PXDC1: variants seen among roughly 807,000 people sequenced by gnomAD.
PXDC1 encodes the protein PX domain-containing protein 1.
PXDC1 carries 13 observed loss-of-function variants against 24.4 expected under a neutral mutation model. The observed-to-expected ratio is 0.53, with a 90% CI of 0.35 to 0.85. The LOEUF is 0.85. Among genes scored for constraint, PXDC1 ranks in the 40% least tolerant of loss-of-function variants. The probability of loss-of-function intolerance (pLI) is 0.01; values close to 1 mark genes in which losing one functional copy is unlikely to be tolerated. For missense variants in PXDC1, 344 were observed against 309.3 expected (o/e 1.11, Z -0.84); for synonymous variants, 162 against 124.9 (o/e 1.30, Z -1.98).
chr6:3,748,176 G>A (rs992931000), intron 1 of PXDC1, among the ~76,000 whole-genome samples: 3 of 152,156 alleles, frequency 2.0e-5, no homozygotes, highest in Admixed American at 1.3e-4. Context: ...GCACAGAGGG[G>A]ACTGAAATGA....
intron 3 of PXDC1, among the ~76,000 whole-genome samples, chr6:3,732,944 G>A (rs1229415347): frequency 6.6e-6 from 1 of 152,240 alleles, no homozygotes; most frequent in Non-Finnish European, 1.5e-5. Flanking sequence ...CAGGACAGCA[G>A]TGGACAGGCA....
At chr6:3,733,272 G>A (rs1418953543) in intron 3 of PXDC1, among the ~76,000 whole-genome samples, 1 of 152,204 alleles carries the variant, frequency 6.6e-6, no homozygotes, top group South Asian at 2.1e-4. Context: ...CCGCGCCTCA[G>A]CCTGGGGAGC....
intron 1 of PXDC1, among the ~76,000 whole-genome samples, chr6:3,747,297 G>A (rs532894921): frequency 6.6e-5 from 10 of 152,134 alleles, no homozygotes; most frequent in African/African-American, 1.9e-4. Flanking sequence ...GCACATCAGC[G>A]TTTGCCCACT....
At chr6:3,723,870 G>C in intron 4 of PXDC1, 134 bp from the exon 5 acceptor site, 1 of 681,604 alleles carries the variant, frequency 1.5e-6, no homozygotes, top group Non-Finnish European at 2.6e-6. Flanking sequence ...AAATGAACTG[G>C]TGAGCTGGCT....
intron 1 of PXDC1, among the ~76,000 whole-genome samples, chr6:3,747,559 G>C (rs1435403654): frequency 6.6e-6 from 1 of 152,074 alleles, no homozygotes; most frequent in Non-Finnish European, 1.5e-5. Context: ...CTTTGCACCT[G>C]CTCTTCCACT....
Position 3,751,688 on chromosome 6 carries a change from G to C in PXDC1, c.-157C>G. The C allele has an allele frequency of 1.8e-6, 2 of 1,132,564 alleles. No homozygotes were observed. The highest frequency in any genetic ancestry group is 2.2e-6 in the Non-Finnish European group (2 of 902,696). 70.2% of individuals were successfully genotyped at this position (1,132,564 alleles called of 1,614,324 possible). On this transcript the variant is annotated 5_prime_UTR_variant, in exon 1 of 5. Transcript: ENST00000380283. ...GAGGCTGCGTATGGCCCGCGTTCGG[G>C]GCAGCGGGGCGGCGCGGCGGCGAGT...
intron 3 of PXDC1, among the ~76,000 whole-genome samples, chr6:3,733,332 G>A (rs987638818): frequency 1.3e-5 from 2 of 152,192 alleles, no homozygotes; most frequent in African/African-American, 4.8e-5. Context: ...AGAACATGGT[G>A]TGCCTATGTG....
Position 3,751,319 on chromosome 6 carries a change from A to C in PXDC1, c.213T>G (p.Phe71Leu), listed in dbSNP as rs1482662738. 1 of 1,548,180 alleles carries C rather than the reference A, an allele frequency of 6.5e-7. No homozygotes were observed. The highest frequency in any genetic ancestry group is 1.4e-5 in the African/African-American group (1 of 71,962). The part of the protein sequence containing the change: ...GRLWQRLRDA[F>L]PEDRSELAQG... ...GCGCCAGTTCGGACCGGTCCTCGGGAAAGGCGTCGCGCAGGCGCTGCCACA... is the reference window on the plus strand; with the variant it reads ...GCGCCAGTTCGGACCGGTCCTCGGGCAAGGCGTCGCGCAGGCGCTGCCACA... The change falls in exon 1 of 5, where the codon TTT becomes TTG. Residue 71 changes from phenylalanine to leucine, a missense_variant. Phe to Leu is a conservative substitution (Grantham distance 22). Coordinates refer to ENST00000380283, the MANE Select transcript of PXDC1 (RefSeq NM_183373.4).
At chr6:3,746,292 A>G (rs934511603) in intron 1 of PXDC1, among the ~76,000 whole-genome samples, 1 of 152,162 alleles carries the variant, frequency 6.6e-6, no homozygotes, top group Non-Finnish European at 1.5e-5. Flanking sequence ...TGGAAAAGGA[A>G]GAGGATCCCA....
intron 3 of PXDC1, among the ~76,000 whole-genome samples, chr6:3,730,152 G>A (rs1198374950): frequency 2.0e-5 from 3 of 152,126 alleles, no homozygotes; most frequent in African/African-American, 7.2e-5. Context: ...CCCAGAGAGG[G>A]ACTTCGCTTA....
At chr6:3,741,049 C>T (rs2127601074) in intron 1 of PXDC1, among the ~76,000 whole-genome samples, 1 of 152,368 alleles carries the variant, frequency 6.6e-6, no homozygotes, top group South Asian at 2.1e-4. Context: ...AGGTGTTAGT[C>T]ACTCTCCTGT....
chr6:3,742,758 CAATT>C (rs1760477213), intron 1 of PXDC1, among the ~76,000 whole-genome samples: 1 of 152,186 alleles, frequency 6.6e-6, no homozygotes, highest in African/African-American at 2.4e-5. Flanking sequence ...TGTAGCCAAA[CAATT>C]AAGAATTTGA....
rs1038385892 is a variant in PXDC1, at chr6:3,723,671, G to A, written c.644C>T (p.Thr215Ile). 3.1e-6 allele frequency: 5 copies of A among 1,614,196 alleles called. No individual in the cohort carries two copies. The highest frequency in any genetic ancestry group is 4.2e-6 in the Non-Finnish European group (5 of 1,180,018). Residue 215 changes from threonine to isoleucine, a missense_variant, in exon 5 of 5, where the codon ACC becomes ATC. Physicochemically the swap from Thr to Ile is moderately conservative, Grantham distance 89. Coordinates refer to ENST00000380283, the MANE Select transcript of PXDC1 (RefSeq NM_183373.4). ...EDGDDPAAYV[T>I]NLSYYHLVPF... ...GACCAGGTGGTAATATGACAGGTTG[G>A]TGACGTAGGCTGCTGGGTCGTCCCC...
At position 3,736,755 on chromosome 6, in the gene PXDC1, C is replaced by T. The variant is rs149152188; in HGVS notation, c.466+324G>A. Reference sequence around the variant, plus strand: ...ATGCCACGTGACATGGGCTGTCTCACTTCAGCAGGCTGAACAGTGGATTCC... The same window carrying T: ...ATGCCACGTGACATGGGCTGTCTCATTTCAGCAGGCTGAACAGTGGATTCC... On this transcript the variant is annotated intron_variant, in intron 3 of 4. Transcript: ENST00000380283. 2.8e-3 allele frequency among the ~76,000 whole-genome samples: 427 copies of T among 152,336 alleles called. 3 individuals are homozygous for T. The highest frequency in any genetic ancestry group is 1.0e-2 in the African/African-American group (415 of 41,572).
At chr6:3,726,498 G>C (rs983165210) in intron 4 of PXDC1, among the ~76,000 whole-genome samples, 4 of 152,214 alleles carry the variant, frequency 2.6e-5, no homozygotes, top group Non-Finnish European at 5.9e-5. Context: ...AGACACACTG[G>C]TAAAGACGGG....
At chr6:3,735,795 A>C (rs1359731736) in intron 3 of PXDC1, among the ~76,000 whole-genome samples, 1 of 152,254 alleles carries the variant, frequency 6.6e-6, no homozygotes, top group Non-Finnish European at 1.5e-5. Flanking sequence ...TGTTTGAGAT[A>C]ATGGAAATGC....
chr6:3,729,678 T>C (rs1760152958), intron 3 of PXDC1, among the ~76,000 whole-genome samples: 1 of 152,208 alleles, frequency 6.6e-6, no homozygotes, highest in Non-Finnish European at 1.5e-5. Context: ...CGCCTCTCTA[T>C]CTAAAATGGG....
intron 3 of PXDC1, among the ~76,000 whole-genome samples, chr6:3,736,840 G>C (rs982523678): frequency 1.3e-5 from 2 of 152,214 alleles, no homozygotes; most frequent in Non-Finnish European, 2.9e-5. Context: ...CATTTCTTAA[G>C]TGAGTTCCAA....
At chr6:3,742,177 C>CT (rs1380263182) in intron 1 of PXDC1, among the ~76,000 whole-genome samples, 1 of 152,204 alleles carries the variant, frequency 6.6e-6, no homozygotes, top group Admixed American at 6.5e-5. Context: ...ATACTGCTTC[C>CT]CCCAAAGCAA....
Sources: gnomAD v4.1 joint callset for allele counts (sites outside exome capture counted in the v4.1 genomes callset) on GRCh38, gnomAD v4.1.1 for gene constraint, MANE v1.5 for transcripts, NCBI Gene and HGNC (gene_info 2026-07-23, HGNC 2026-07-21) for gene names.